TAFA5: variants seen among roughly 807,000 people sequenced by gnomAD.
The protein encoded by TAFA5 is chemokine-like protein TAFA-5.
A neutral mutation model predicts 15.3 loss-of-function variants in TAFA5; 6 were observed. The ratio of observed to expected loss-of-function variants is 0.39; its 90% CI spans 0.21 to 0.77. The LOEUF is 0.77. TAFA5 is among the 30% of genes least tolerant of loss of function. The pLI, the probability that TAFA5 is intolerant of heterozygous loss-of-function variation, is 0.41. For synonymous variants in TAFA5, 103 were observed against 80.7 expected, an observed-to-expected ratio of 1.28 and a Z score of -1.48; for missense variants, 161 against 193.1, an observed-to-expected ratio of 0.83 and a Z score of 0.98.
At chr22:48,739,263 AT>A (rs1043204020) in intron 3 of TAFA5, among the ~76,000 whole-genome samples, 7 of 151,846 alleles carry the variant, frequency 4.6e-5, no homozygotes, top group Admixed American at 2.6e-4. Flanking sequence ...TAAATTAAAT[AT>A]TTTTTTTTCC....
At chr22:48,652,523 G>A (rs1400583825) in intron 2 of TAFA5, among the ~76,000 whole-genome samples, 3 of 152,208 alleles carry the variant, frequency 2.0e-5, no homozygotes, top group African/African-American at 7.2e-5. Context: ...TTCCTGCGTT[G>A]AGCCCTGACC....
chr22:48,493,268 A>G (rs182591870), intron 1 of TAFA5, among the ~76,000 whole-genome samples: 4 of 152,360 alleles, frequency 2.6e-5, no homozygotes, highest in Admixed American at 2.6e-4. Context: ...TGAGGAAGAC[A>G]GACAGGTTCA....
Position 48,577,158 on chromosome 22 carries a change from T to C in TAFA5, c.113-69439T>C, listed in dbSNP as rs181930828. ...GCGCCAAGTTCTGCCCCTGCTCTCT[T>C]GGTCTTTGCTGGACTGCAGGGCAGT... On this transcript the variant is annotated intron_variant, in intron 1 of 3. Coordinates refer to ENST00000402357, the MANE Select transcript of TAFA5 (RefSeq NM_001082967.3). Among the ~76,000 whole-genome samples, 18 of 152,354 alleles carry C rather than the reference T, an allele frequency of 1.2e-4. No individual in the cohort carries two copies. In the East Asian group the frequency reaches 3.5e-3, roughly 29 times the overall value.
At chr22:48,538,022 G>A (rs992501183) in intron 1 of TAFA5, among the ~76,000 whole-genome samples, 1 of 152,232 alleles carries the variant, frequency 6.6e-6, no homozygotes, top group Non-Finnish European at 1.5e-5. Context: ...TCAGCTCCAC[G>A]CCCCTTCCTG....
intron 1 of TAFA5, among the ~76,000 whole-genome samples, chr22:48,626,732 A>AT (rs1170283251): frequency 6.6e-6 from 1 of 152,196 alleles, no homozygotes; most frequent in African/African-American, 2.4e-5. Flanking sequence ...TAGAGTATGC[A>AT]TTTGATGCTT....
intron 1 of TAFA5, among the ~76,000 whole-genome samples, chr22:48,589,456 C>T (rs1489883554): frequency 6.6e-6 from 1 of 151,258 alleles, no homozygotes; most frequent in African/African-American, 2.4e-5. Flanking sequence ...GGTTGGAGGT[C>T]CCCAAAGAGC....
intron 2 of TAFA5, among the ~76,000 whole-genome samples, chr22:48,657,349 A>G (rs1927286218): frequency 6.6e-6 from 1 of 152,262 alleles, no homozygotes; most frequent in Non-Finnish European, 1.5e-5. Flanking sequence ...AACAGTTTGA[A>G]TAGACCTATG....
intron 3 of TAFA5, among the ~76,000 whole-genome samples, chr22:48,739,585 C>T (rs1242527245): frequency 2.0e-5 from 3 of 152,170 alleles, no homozygotes; most frequent in Admixed American, 2.0e-4. Flanking sequence ...GAGTGGCCGG[C>T]ACTGTAATTG....
intron 3 of TAFA5, among the ~76,000 whole-genome samples, chr22:48,711,289 G>A (rs1183663494): frequency 1.3e-5 from 2 of 152,130 alleles, no homozygotes; most frequent in Non-Finnish European, 2.9e-5. Context: ...TCGGGGGCTT[G>A]AAGACCTGTC....
At chr22:48,524,046 G>A (rs1359646536) in intron 1 of TAFA5, among the ~76,000 whole-genome samples, 6 of 152,244 alleles carry the variant, frequency 3.9e-5, no homozygotes, top group African/African-American at 1.4e-4. Flanking sequence ...AGCAGGGTGG[G>A]AAGATAGCAT....
chr22:48,517,595 G>A (rs1020175133), intron 1 of TAFA5, among the ~76,000 whole-genome samples: 21 of 152,182 alleles, frequency 1.4e-4, no homozygotes, highest in African/African-American at 3.9e-4. Flanking sequence ...TCTGTCCCGC[G>A]TACGGGCATC....
At chr22:48,746,034 C>T (rs1014799662) in intron 3 of TAFA5, among the ~76,000 whole-genome samples, 5 of 152,134 alleles carry the variant, frequency 3.3e-5, no homozygotes, top group African/African-American at 7.2e-5. Context: ...CAGGAGACAG[C>T]GATGGGCTGG....
intron 1 of TAFA5, among the ~76,000 whole-genome samples, chr22:48,574,575 A>G (rs1296891039): frequency 6.6e-6 from 1 of 152,098 alleles, no homozygotes; most frequent in Non-Finnish European, 1.5e-5. Flanking sequence ...TGGTGCAAGG[A>G]GGAGACAGCC....
intron 3 of TAFA5, among the ~76,000 whole-genome samples, chr22:48,711,660 T>G (rs1250645439): frequency 6.6e-6 from 1 of 152,220 alleles, no homozygotes; most frequent in Non-Finnish European, 1.5e-5. Flanking sequence ...TAAATTGGTT[T>G]TCTGCGAGAT....
chr22:48,597,695 G>T (rs545739328), intron 1 of TAFA5, among the ~76,000 whole-genome samples: 1 of 152,370 alleles, frequency 6.6e-6, no homozygotes, highest in South Asian at 2.1e-4. Context: ...GTTCTTGGCT[G>T]AGTCTGACTT....
In TAFA5 at chr22:48,499,514, C is replaced by T. The variant is rs545115082; in HGVS notation, c.112+9810C>T. 1.9e-3 allele frequency among the ~76,000 whole-genome samples: 283 copies of T among 152,308 alleles called. 2 individuals carry two copies. The highest frequency in any genetic ancestry group is 6.5e-3 in the African/African-American group (272 of 41,574). ...TCCCCCAGCCTAGCACCGACGTGCCCTTCTGTTCTAGCCGGCTCCCCTGAC... is the reference window on the plus strand; with the variant it reads ...TCCCCCAGCCTAGCACCGACGTGCCTTTCTGTTCTAGCCGGCTCCCCTGAC... On this transcript the variant is annotated intron_variant, in intron 1 of 3. Transcript: ENST00000402357.
chr22:48,584,336 T>C (rs1924241948), intron 1 of TAFA5, among the ~76,000 whole-genome samples: 1 of 115,952 alleles, frequency 8.6e-6, no homozygotes, highest in African/African-American at 3.4e-5. Flanking sequence ...CACACAGATA[T>C]CACACACACC....
chr22:48,623,687 C>T (rs558409638), intron 1 of TAFA5, among the ~76,000 whole-genome samples: 3 of 152,244 alleles, frequency 2.0e-5, no homozygotes, highest in Non-Finnish European at 2.9e-5. Context: ...CCCATTTAAC[C>T]GCATCAGAGC....
chr22:48,648,472 G>C (rs1926942469), intron 2 of TAFA5, among the ~76,000 whole-genome samples: 2 of 152,184 alleles, frequency 1.3e-5, no homozygotes, highest in African/African-American at 4.8e-5. Context: ...CCATGGAGAA[G>C]GGATGGGGCG....
Sources: gnomAD v4.1 joint callset for allele counts (sites outside exome capture counted in the v4.1 genomes callset) on GRCh38, gnomAD v4.1.1 for gene constraint, MANE v1.5 for transcripts, NCBI Gene and HGNC (gene_info 2026-07-23, HGNC 2026-07-21) for gene names.